The following ZNF117 variants were observed in gnomAD, a reference collection of about 807,000 sequenced individuals.
ZNF117 encodes the protein Krueppel-related zinc finger protein.
ZNF117 carries 37 observed loss-of-function variants against 41.2 expected under a neutral mutation model. The ratio of observed to expected loss-of-function variants is 0.90; its 90% CI spans 0.69 to 1.18. The LOEUF (loss-of-function observed/expected upper bound fraction) is 1.18. Among genes scored for constraint, ZNF117 ranks in the 50% most tolerant of loss-of-function variants. The pLI, the probability that ZNF117 is intolerant of heterozygous loss-of-function variation, is 0.00. For synonymous variants in ZNF117, 186 were observed against 186.6 expected, an observed-to-expected ratio of 1.00 and a Z score of 0.02; for missense variants, 546 against 557.5, an observed-to-expected ratio of 0.98 and a Z score of 0.21.
At position 64,989,942 on chromosome 7, in the gene ZNF117, C is replaced by T. The variant is rs542741041; in HGVS notation, c.-196+5G>A. ...CAAAAATTAGCTGGGTTTTGTGTCA[C>T]GCACCTGTGATCCCAGCTACTCAGG... On this transcript the variant is annotated splice_donor_5th_base_variant and intron_variant, in intron 1 of 3. Transcript: ENST00000282869. The T allele has an allele frequency of 5.3e-5, 8 of 152,018 alleles. No homozygotes were observed. Among genetic ancestry groups the T allele is most frequent in the African/African-American group, 9.6e-5 (4 of 41,484 alleles). 9.4% of individuals were successfully genotyped at this position (152,018 alleles called of 1,614,324 possible).
chr7:64,972,677 AATAC>A (rs1307215580), downstream of ZNF117: 1 of 152,048 alleles, frequency 6.6e-6, no homozygotes, highest in Non-Finnish European at 1.5e-5. Flanking sequence ...TTGGTCAAAG[AATAC>A]ATAATTATAG....
At chr7:64,984,040 T>C (rs1280361395), upstream of ZNF117, among the ~76,000 whole-genome samples, 1 of 152,260 alleles carries the variant, frequency 6.6e-6, no homozygotes, top group African/African-American at 2.4e-5. Flanking sequence ...CTCAGCAGAA[T>C]TTTATAAGGA....
At chr7:64,984,115 T>C (rs10253907), upstream of ZNF117, among the ~76,000 whole-genome samples, 144,673 of 152,266 alleles carry the variant, frequency 0.95, 69,183 homozygotes, top group East Asian at 1. Context: ...TAATGGAATA[T>C]ATTTGACAAT....
exon 3 of ZNF117, chr7:64,977,638 C>A: frequency 1.4e-6 from 1 of 732,336 alleles, no homozygotes; most frequent in Non-Finnish European, 2.3e-6. Flanking sequence ...TTGCCACATT[C>A]TTCACACTTG....
At chr7:64,974,562 A>G (rs1276955048) in exon 3 of ZNF117, 3 of 151,922 alleles carry the variant, frequency 2.0e-5, no homozygotes, top group Non-Finnish European at 3.0e-5. Context: ...AAAACAGTCC[A>G]TAACTTTCTT....
upstream of ZNF117, chr7:64,982,181 A>G (rs908657923): frequency 1.1e-5 from 6 of 563,000 alleles, no homozygotes; most frequent in Non-Finnish European, 1.9e-5. Flanking sequence ...CCATGGGCAT[A>G]ATTTTAAATT....
At chr7:64,987,529 G>A (rs1291342971) in intron 1 of ZNF117, among the ~76,000 whole-genome samples, 1 of 151,982 alleles carries the variant, frequency 6.6e-6, no homozygotes, top group Non-Finnish European at 1.5e-5. Flanking sequence ...AAATTAATAA[G>A]CTAAATAAAC....
At chr7:64,989,482 T>G in intron 1 of ZNF117, among the ~76,000 whole-genome samples, 1 of 71,610 alleles carries the variant, frequency 1.4e-5, no homozygotes, top group African/African-American at 5.2e-5. Flanking sequence ...TATATATATA[T>G]ATATATATAT....
At chr7:64,979,143 C>T (rs1277726305) in exon 3 of ZNF117, 18 of 1,607,954 alleles carry the variant, frequency 1.1e-5, no homozygotes, top group East Asian at 4.5e-5. Context: ...AAAGGCTCTT[C>T]CATATGCTTC....
chr7:64,975,092 G>A (rs565044146), exon 3 of ZNF117: 8 of 151,908 alleles, frequency 5.3e-5, no homozygotes, highest in Non-Finnish European at 1.2e-4. Flanking sequence ...TATTAGAGAT[G>A]TTAGTCCACT....
chr7:64,984,277 A>G (rs1786090323), upstream of ZNF117, among the ~76,000 whole-genome samples: 1 of 152,178 alleles, frequency 6.6e-6, no homozygotes, highest in African/African-American at 2.4e-5. Flanking sequence ...GATTACAGGC[A>G]TGTGCCATCA....
upstream of ZNF117, among the ~76,000 whole-genome samples, chr7:64,984,138 C>CTT (rs779954070): frequency 1.3e-5 from 2 of 149,016 alleles, no homozygotes; most frequent in East Asian, 3.9e-4. Flanking sequence ...CCAAAGAACA[C>CTT]TTTTTTTTTT....
intron 1 of ZNF117, among the ~76,000 whole-genome samples, chr7:64,989,184 C>T (rs1351759249): frequency 1.3e-5 from 2 of 150,912 alleles, no homozygotes; most frequent in African/African-American, 2.4e-5. Flanking sequence ...TATACACACA[C>T]ACACACATAT....
At chr7:64,984,046 A>G (rs1305869280), upstream of ZNF117, among the ~76,000 whole-genome samples, 1 of 152,238 alleles carries the variant, frequency 6.6e-6, no homozygotes, top group African/African-American at 2.4e-5. Context: ...AGAATTTTAT[A>G]AGGATTCTCT....
In ZNF117 at chr7:64,979,105, T is replaced by A. The variant is rs537700192; in HGVS notation, c.466A>T (p.Lys156Ter). ...GGTTTTTCTCCAGTATGAATTCTCT[T>A]ATGTTTATTAAGGGTTGAGGACCAG... The change falls in exon 3 of 3, where the codon AAG becomes TAG. Residue 156 changes from lysine (K) to a stop codon, truncating the protein, a stop_gained. Coordinates refer to ENST00000620222, the Ensembl canonical transcript of ZNF117. LOFTEE classifies it high-confidence loss of function. 20 of 1,612,892 alleles carry A rather than the reference T, an allele frequency of 1.2e-5. No individual in the cohort carries two copies. The highest frequency in any genetic ancestry group is 1.6e-5 in the Non-Finnish European group (19 of 1,179,472).
exon 3 of ZNF117, chr7:64,975,238 A>C (rs1438184180): frequency 6.6e-6 from 1 of 152,012 alleles, no homozygotes; most frequent in African/African-American, 2.4e-5. Context: ...AAGTTTAATT[A>C]AAAAATTAAG....
chr7:64,974,535 A>G (rs921493050), exon 3 of ZNF117: 7 of 151,922 alleles, frequency 4.6e-5, no homozygotes, highest in Non-Finnish European at 7.4e-5. Context: ...AAATAGGTAC[A>G]AACTCACACT....
exon 3 of ZNF117, chr7:64,975,755 T>C (rs1785872725): frequency 6.6e-6 from 1 of 152,136 alleles, no homozygotes; most frequent in South Asian, 2.1e-4. Flanking sequence ...AACTTTAATT[T>C]TGGATTATTT....
chr7:64,978,763 T>C, exon 3 of ZNF117: 2 of 1,613,404 alleles, frequency 1.2e-6, no homozygotes, highest in African/African-American at 1.3e-5. Context: ...CCAGTATGAA[T>C]GTACTTATGT....
Sources: gnomAD v4.1 joint callset for allele counts (sites outside exome capture counted in the v4.1 genomes callset) on GRCh38, gnomAD v4.1.1 for gene constraint, MANE v1.5 for transcripts, NCBI Gene and HGNC (gene_info 2026-07-23, HGNC 2026-07-21) for gene names.